ADK: variants seen among roughly 807,000 people sequenced by gnomAD.
ADK encodes the protein adenosine kinase, also known as N6,N6-dimethyladenosine kinase.
In ADK, 24 loss-of-function variants were observed where a neutral mutation model predicts 44.7. The observed-to-expected ratio is 0.54, with a 90% CI of 0.39 to 0.76. ADK has a LOEUF of 0.76. Among genes scored for constraint, ADK ranks in the 30% least tolerant of loss-of-function variants. The probability of loss-of-function intolerance (pLI) is 0.00; values close to 1 mark genes in which losing one functional copy is unlikely to be tolerated. For missense variants in ADK, 321 were observed against 425.1 expected, an observed-to-expected ratio of 0.76 and a Z score of 2.15; for synonymous variants, 128 against 142.6, an observed-to-expected ratio of 0.90 and a Z score of 0.73.
intron 4 of ADK, among the ~76,000 whole-genome samples, chr10:74,361,844 T>C (rs756466002): frequency 1.2e-4 from 18 of 152,244 alleles, no homozygotes; most frequent in Non-Finnish European, 2.5e-4. Flanking sequence ...GTAATCTTGG[T>C]TGACAGTTTC....
intron 7 of ADK, among the ~76,000 whole-genome samples, chr10:74,538,030 G>A (rs944828468): frequency 3.3e-5 from 5 of 152,098 alleles, no homozygotes; most frequent in Admixed American, 1.3e-4. Flanking sequence ...ACCAAGGTGG[G>A]CAGATCACCT....
At chr10:74,306,029 C>T (rs1840236056) in intron 3 of ADK, among the ~76,000 whole-genome samples, 1 of 151,948 alleles carries the variant, frequency 6.6e-6, no homozygotes, top group Non-Finnish European at 1.5e-5. Context: ...CTGGTCAAGC[C>T]ATTATTTTTT....
At chr10:74,330,771 AATCACCAG>A (rs1841190606) in intron 4 of ADK, among the ~76,000 whole-genome samples, 1 of 152,162 alleles carries the variant, frequency 6.6e-6, no homozygotes, top group Admixed American at 6.5e-5. Context: ...GCTCCAGTCA[AATCACCAG>A]ATTACTGGAG....
In ADK at chr10:74,235,718, T is replaced by C. The variant is rs187884769; in HGVS notation, c.194+11127T>C. Reference sequence around the variant, plus strand: ...CTTATTTTACCACCACTTTTTCTCCTTTCTTTCTGCTATGGTTTGAATGTT... The same window carrying C: ...CTTATTTTACCACCACTTTTTCTCCCTTCTTTCTGCTATGGTTTGAATGTT... On this transcript the variant is annotated intron_variant, in intron 3 of 10. Transcript: ENST00000539909. Among the ~76,000 whole-genome samples, 459 of 152,358 alleles carry C rather than the reference T, an allele frequency of 3.0e-3. 1 individual carries two copies. Among genetic ancestry groups the C allele is most frequent in the Non-Finnish European group, 4.5e-3 (309 of 68,032 alleles).
intron 4 of ADK, among the ~76,000 whole-genome samples, chr10:74,382,345 G>A (rs1045654243): frequency 3.9e-5 from 6 of 152,024 alleles, no homozygotes; most frequent in African/African-American, 7.2e-5. Flanking sequence ...GCCATCTGCC[G>A]GCCTCAGCCT....
At chr10:74,448,343 T>C (rs1479693038) in intron 6 of ADK, among the ~76,000 whole-genome samples, 1 of 152,108 alleles carries the variant, frequency 6.6e-6, no homozygotes, top group Non-Finnish European at 1.5e-5. Context: ...TGCCACCTAT[T>C]AGCCGTATGA....
At chr10:74,542,730 C>G (rs1350640329) in intron 7 of ADK, among the ~76,000 whole-genome samples, 1 of 151,980 alleles carries the variant, frequency 6.6e-6, no homozygotes, top group Non-Finnish European at 1.5e-5. Flanking sequence ...AAATTAGCAG[C>G]TAAATGCATA....
chr10:74,274,304 G>A (rs964220964), intron 3 of ADK, among the ~76,000 whole-genome samples: 1 of 152,150 alleles, frequency 6.6e-6, no homozygotes, highest in African/African-American at 2.4e-5. Flanking sequence ...GCTCACACCT[G>A]TAATCCCAGC....
At chr10:74,610,521 T>A (rs1219872267) in intron 9 of ADK, among the ~76,000 whole-genome samples, 1 of 152,174 alleles carries the variant, frequency 6.6e-6, no homozygotes, top group African/African-American at 2.4e-5. Flanking sequence ...GAATGTACAA[T>A]GGCACTGAGC....
At position 74,600,497 on chromosome 10, in the gene ADK, C is replaced by T. The variant is rs752323007; in HGVS notation, c.877+4C>T. On this transcript the variant is annotated splice_donor_region_variant and intron_variant, in intron 9 of 10. Transcript: ENST00000539909. ...GATGACACTATAATGGCTACAGGTA[C>T]ATGTGGGAAATGTGTGATGAATCTA... The T allele has an allele frequency of 6.3e-7, 1 of 1,590,150 alleles. No homozygotes were observed. The highest frequency in any genetic ancestry group is 1.1e-5 in the South Asian group (1 of 89,868).
intron 9 of ADK, among the ~76,000 whole-genome samples, chr10:74,666,322 A>G (rs1854954300): frequency 1.3e-5 from 2 of 152,160 alleles, no homozygotes; most frequent in South Asian, 4.1e-4. Flanking sequence ...TTTTGAATGA[A>G]GGCACTCTGC....
At chr10:74,210,095 C>T (rs933958228) in intron 2 of ADK, among the ~76,000 whole-genome samples, 10 of 151,914 alleles carry the variant, frequency 6.6e-5, no homozygotes, top group African/African-American at 9.7e-5. Flanking sequence ...TTTGGGAGGC[C>T]GAGGTGAACG....
intron 3 of ADK, among the ~76,000 whole-genome samples, chr10:74,238,166 C>T (rs1316041919): frequency 6.6e-6 from 1 of 152,146 alleles, no homozygotes; most frequent in African/African-American, 2.4e-5. Flanking sequence ...TCTGTCCGCC[C>T]GTCTTCTTTT....
rs150709530 is a variant in ADK, at chr10:74,302,035, G to C, written c.195-12632G>C. ...AGTAACTGAATGACTTTGGAATTCA[G>C]GGCTTTGTATTTTTACCTTTTTTTA... On this transcript the variant is annotated intron_variant, in intron 3 of 10. Transcript: ENST00000539909. Among the ~76,000 whole-genome samples, 53 of 150,572 alleles carry C rather than the reference G, an allele frequency of 3.5e-4. No homozygotes were observed. In the East Asian group the frequency reaches 0.01, roughly 29 times the overall value.
At chr10:74,180,243 TA>T (rs1478679886) in intron 1 of ADK, among the ~76,000 whole-genome samples, 27 of 148,200 alleles carry the variant, frequency 1.8e-4, no homozygotes, top group African/African-American at 6.4e-4. Flanking sequence ...TTGTTATTAT[TA>T]ATTATTATTT....
chr10:74,533,749 C>A (rs1430281103), intron 7 of ADK, among the ~76,000 whole-genome samples: 1 of 152,088 alleles, frequency 6.6e-6, no homozygotes, highest in Non-Finnish European at 1.5e-5. Context: ...ATACATCCTC[C>A]AAATGACCTA....
At position 74,501,840 on chromosome 10, in the gene ADK, A is replaced by T. The variant is rs73272274; in HGVS notation, c.556-23416A>T. On this transcript the variant is annotated intron_variant, in intron 6 of 10. Transcript: ENST00000539909. ...AAAAGCAGATTGGTAGTTGCCAGGG[A>T]CTTGTGGGGAGTGAGGAATGGGGAA... 2.9e-3 allele frequency among the ~76,000 whole-genome samples: 439 copies of T among 152,228 alleles called. 1 individual carries two copies. Among genetic ancestry groups the T allele is most frequent in the African/African-American group, 9.9e-3 (412 of 41,562 alleles).
At chr10:74,279,996 C>CA (rs1846861124) in intron 3 of ADK, among the ~76,000 whole-genome samples, 1 of 152,204 alleles carries the variant, frequency 6.6e-6, no homozygotes, top group South Asian at 2.1e-4. Flanking sequence ...CCACTGCACC[C>CA]AACCTGGGTG....
chr10:74,393,926 G>A (rs566648780), intron 4 of ADK, among the ~76,000 whole-genome samples: 3 of 152,212 alleles, frequency 2.0e-5, no homozygotes, highest in African/African-American at 7.2e-5. Context: ...ACAACTTTAT[G>A]TACTTTATTT....
Sources: gnomAD v4.1 joint callset for allele counts (sites outside exome capture counted in the v4.1 genomes callset) on GRCh38, gnomAD v4.1.1 for gene constraint, MANE v1.5 for transcripts, NCBI Gene and HGNC (gene_info 2026-07-23, HGNC 2026-07-21) for gene names.